Variants in PEX5L observed in about 807,000 individuals in gnomAD.
PEX5L encodes the protein PEX5-related protein.
Under a neutral mutation model 84.0 loss-of-function variants are expected in PEX5L, and 30 were observed. The observed-to-expected ratio is 0.36, with a 90% confidence interval of 0.27 to 0.48. The LOEUF is 0.48. Among genes scored for constraint, PEX5L ranks in the 20% least tolerant of loss-of-function variants. PEX5L has a pLI of 0.99. For missense variants in PEX5L, 533 were observed against 754.6 expected (o/e 0.71, Z 3.44); for synonymous variants, 270 against 283.1 (o/e 0.95, Z 0.46).
chr3:179,985,827 C>T (rs192600853), intron 1 of PEX5L, among the ~76,000 whole-genome samples: 6 of 152,112 alleles, frequency 3.9e-5, no homozygotes, highest in East Asian at 1.9e-4. Context: ...ATTTTGGGTG[C>T]GCACGAGGAA....
chr3:179,953,233 A>C (rs532687575), intron 2 of PEX5L, among the ~76,000 whole-genome samples: 1 of 152,322 alleles, frequency 6.6e-6, no homozygotes, highest in Non-Finnish European at 1.5e-5. Flanking sequence ...AATGGCAACA[A>C]AAGCCACAAT....
rs150797314 is a variant in PEX5L, at chr3:180,022,649, C to T, written c.21+13930G>A. On this transcript the variant is annotated intron_variant, in intron 1 of 14. Transcript: ENST00000467460. ...AGAATTTTGAGTGGGGATATTTCAG[C>T]TTGGTTTATACATACAATCAAGATA... Among the ~76,000 whole-genome samples, 24 of 152,228 alleles carry T rather than the reference C, an allele frequency of 1.6e-4. No homozygotes were observed. In the East Asian group the frequency reaches 4.1e-3, roughly 26 times the overall value.
rs183787343 is a variant in PEX5L, at chr3:179,796,465, G to A, written c.*5363C>T. The stretch of plus-strand genomic sequence containing the variant: ...GCAGGTAGTGGAAACTTCGTTCAAG[G>A]CAAAATACCACATGAGAGGTTGTTA... On this transcript the variant is annotated 3_prime_UTR_variant, in exon 15 of 15. Coordinates refer to ENST00000467460, the MANE Select transcript of PEX5L (RefSeq NM_016559.3). 9.4e-4 allele frequency: 143 copies of A among 151,950 alleles called. 2 individuals are homozygous for A. The highest frequency in any genetic ancestry group is 2.8e-3 in the African/African-American group (115 of 41,468). The allele number at this position is 151,950 out of a possible 1,614,324, so 9.4% of individuals were successfully genotyped here. A position where few individuals can be genotyped will look rare whatever the true frequency, so the allele number is the denominator to read the frequency against.
intron 1 of PEX5L, among the ~76,000 whole-genome samples, chr3:180,017,645 TA>T (rs1268050950): frequency 6.6e-6 from 1 of 151,902 alleles, no homozygotes; most frequent in Non-Finnish European, 1.5e-5. Context: ...TATTTCCTTA[TA>T]AAAATTATTT....
intron 8 of PEX5L, among the ~76,000 whole-genome samples, chr3:179,854,512 A>G (rs1743162272): frequency 6.6e-6 from 1 of 152,202 alleles, no homozygotes; most frequent in Non-Finnish European, 1.5e-5. Flanking sequence ...ATCAAGACCA[A>G]GACAATTACA....
intron 5 of PEX5L, among the ~76,000 whole-genome samples, chr3:179,876,506 A>G (rs1752452245): frequency 6.6e-6 from 1 of 152,120 alleles, no homozygotes; most frequent in East Asian, 1.9e-4. Context: ...AAAAAAAAAA[A>G]AAAGATCAGT....
chr3:179,945,461 C>T (rs755571506), intron 2 of PEX5L, among the ~76,000 whole-genome samples: 1 of 152,172 alleles, frequency 6.6e-6, no homozygotes, highest in Admixed American at 6.5e-5. Context: ...ATTTCCTCAT[C>T]TCTTAACTCA....
At chr3:179,804,838 G>A (rs1004023087) in intron 14 of PEX5L, among the ~76,000 whole-genome samples, 9 of 151,946 alleles carry the variant, frequency 5.9e-5, no homozygotes, top group African/African-American at 1.7e-4. Flanking sequence ...TCTCTCTCTC[G>A]CCGGGTGTAG....
At chr3:180,007,484 G>A (rs112693559) in intron 1 of PEX5L, among the ~76,000 whole-genome samples, 10 of 152,300 alleles carry the variant, frequency 6.6e-5, no homozygotes, top group Admixed American at 2.6e-4. Context: ...TCCTCTTCTC[G>A]CAGCTCGATT....
chr3:179,912,414 G>A (rs1432909539), intron 2 of PEX5L, among the ~76,000 whole-genome samples: 1 of 152,016 alleles, frequency 6.6e-6, no homozygotes, highest in East Asian at 1.9e-4. Flanking sequence ...TGATACTGAT[G>A]TTTTATGAGA....
At chr3:179,944,994 T>G (rs1468121575) in intron 2 of PEX5L, among the ~76,000 whole-genome samples, 3 of 152,244 alleles carry the variant, frequency 2.0e-5, no homozygotes, top group Admixed American at 6.5e-5. Context: ...CAGGTTGTCA[T>G]GCTGATTTCA....
intron 10 of PEX5L, among the ~76,000 whole-genome samples, chr3:179,813,978 T>C (rs1725039398): frequency 1.1e-5 from 1 of 89,786 alleles, no homozygotes; most frequent in South Asian, 3.3e-4. Context: ...GCCCGGCCAT[T>C]TTTTTTTTTT....
intron 2 of PEX5L, among the ~76,000 whole-genome samples, chr3:179,945,309 G>C (rs1005542524): frequency 6.6e-5 from 10 of 152,158 alleles, no homozygotes; most frequent in Admixed American, 6.5e-4. Context: ...GATGACTCAG[G>C]TTTCTGAGCT....
chr3:179,825,621 AATTTTAAAAAGAAATG>A, intron 8 of PEX5L, among the ~76,000 whole-genome samples: 1 of 152,160 alleles, frequency 6.6e-6, no homozygotes, highest in Admixed American at 6.5e-5. Context: ...AAAGGAGTTA[AATTTTAAAAAGAAATG>A]AACAGTGTAT....
In PEX5L at chr3:179,816,020, A is replaced by G; in HGVS notation, c.940-16T>C. On this transcript the variant is annotated splice_polypyrimidine_tract_variant and intron_variant, in intron 9 of 14. Coordinates refer to ENST00000467460, the MANE Select transcript of PEX5L (RefSeq NM_016559.3). ...AGTAATATCCCTGCAACACAGAAAA[A>G]GGCCAGTGCATGAGCCATTGATTTC... 2.5e-6 allele frequency: 4 copies of G among 1,613,028 alleles called. No homozygotes were observed. The highest frequency in any genetic ancestry group is 2.5e-6 in the Non-Finnish European group (3 of 1,179,132).
At chr3:179,899,039 T>C (rs1760330959) in intron 2 of PEX5L, among the ~76,000 whole-genome samples, 1 of 152,046 alleles carries the variant, frequency 6.6e-6, no homozygotes, top group Non-Finnish European at 1.5e-5. Context: ...TATATGTATA[T>C]ATATAGATAA....
intron 2 of PEX5L, among the ~76,000 whole-genome samples, chr3:179,918,385 G>A (rs944678073): frequency 4.2e-4 from 64 of 152,264 alleles, no homozygotes; most frequent in African/African-American, 1.5e-3. Flanking sequence ...CCAGGATTTG[G>A]GGATAGGTAC....
chr3:180,017,969 T>A (rs1790082784), intron 1 of PEX5L, among the ~76,000 whole-genome samples: 1 of 152,210 alleles, frequency 6.6e-6, no homozygotes. Context: ...TTTCTTATTC[T>A]GCTCTGTGTT....
At chr3:179,900,008 A>C (rs1167535660) in intron 2 of PEX5L, among the ~76,000 whole-genome samples, 1 of 152,186 alleles carries the variant, frequency 6.6e-6, no homozygotes, top group Non-Finnish European at 1.5e-5. Context: ...GAACTTCCTA[A>C]AATGGAGATG....
Sources: allele counts gnomAD v4.1 joint callset (sites outside exome capture counted in the v4.1 genomes callset), GRCh38; gene constraint gnomAD v4.1.1; transcripts MANE v1.5; gene names NCBI Gene and HGNC (gene_info 2026-07-23, HGNC 2026-07-21).